WDR93: variants seen among roughly 807,000 people sequenced by gnomAD.
WDR93 encodes WD repeat-containing protein 93.
In WDR93, 73 loss-of-function variants were observed where a neutral mutation model predicts 82.9. The observed-to-expected ratio is 0.88, with a 90% confidence interval of 0.73 to 1.07. The LOEUF (loss-of-function observed/expected upper bound fraction) is 1.07, where lower values mean the gene tolerates loss of function less well. Ranked by LOEUF, WDR93 falls within the 50% of genes least tolerant of loss-of-function variation. WDR93 has a pLI of 0.00. For synonymous variants in WDR93, 283 were observed against 300.1 expected, an observed-to-expected ratio of 0.94 and a Z score of 0.59; for missense variants, 738 against 826.0, an observed-to-expected ratio of 0.89 and a Z score of 1.31.
At chr15:89,727,359 A>G in intron 9 of WDR93, 31 bp downstream of exon 9, 2 of 1,607,482 alleles carry the variant, frequency 1.2e-6, no homozygotes, top group South Asian at 1.1e-5. Flanking sequence ...AAAGCCAGGG[A>G]GCATCCCCAG....
chr15:89,722,170 C>A (rs1019709340), intron 8 of WDR93, 31 bp downstream of exon 8: 3 of 1,453,946 alleles, frequency 2.1e-6, no homozygotes, highest in African/African-American at 2.9e-5. Flanking sequence ...TCTCCTTTTG[C>A]CATTGATTTA....
At chr15:89,727,474 C>T in intron 9 of WDR93, 146 bp downstream of exon 9, 1 of 945,784 alleles carries the variant, frequency 1.1e-6, no homozygotes, top group Non-Finnish European at 1.5e-6. Flanking sequence ...ATCTGTAATC[C>T]CTACACTTTG....
At chr15:89,731,309 G>C in intron 11 of WDR93, 134 bp from the exon 12 acceptor site, 3 of 1,285,456 alleles carry the variant, frequency 2.3e-6, no homozygotes, top group South Asian at 1.4e-5. Flanking sequence ...AAGGATGATG[G>C]TGAGTCCAGA....
At chr15:89,731,193 A>G (rs1261054878) in intron 11 of WDR93, among the ~76,000 whole-genome samples, 3 of 152,242 alleles carry the variant, frequency 2.0e-5, no homozygotes, top group South Asian at 2.1e-4. Context: ...CTAACACAGT[A>G]TCTAGCACCT....
At chr15:89,736,967 A>C (rs1384448017) in intron 14 of WDR93, among the ~76,000 whole-genome samples, 2 of 151,916 alleles carry the variant, frequency 1.3e-5, no homozygotes, top group Non-Finnish European at 2.9e-5. Context: ...AATTTTTTGT[A>C]TTTTTAGTAG....
chr15:89,710,154 C>T (rs935125621), intron 4 of WDR93, among the ~76,000 whole-genome samples: 1 of 152,024 alleles, frequency 6.6e-6, no homozygotes, highest in African/African-American at 2.4e-5. Flanking sequence ...AGTGAGACTC[C>T]GTCTCAAAAC....
chr15:89,691,110 C>G (rs553768611), intron 1 of WDR93, among the ~76,000 whole-genome samples: 3 of 152,092 alleles, frequency 2.0e-5, no homozygotes, highest in Admixed American at 2.0e-4. Flanking sequence ...CATTTCCCAG[C>G]GCCGTGCCTC....
At position 89,737,639 on chromosome 15, in the gene WDR93, G is replaced by A; in HGVS notation, c.1675G>A (p.Ala559Thr). 1 of 1,614,150 alleles carries A rather than the reference G, an allele frequency of 6.2e-7. No individual in the cohort carries two copies. ...TGTGGCCAAGCGTGAAATCATCTGTGCCTTTGCCCCTCCGGGAGCCTTTCC... is the reference window on the plus strand; with the variant it reads ...TGTGGCCAAGCGTGAAATCATCTGTACCTTTGCCCCTCCGGGAGCCTTTCC... ...MDVAKREIIC[A>T]FAPPGAFPLE... Residue 559 changes from alanine to threonine, a missense_variant, in exon 15 of 17, where the codon GCC becomes ACC. Coordinates refer to ENST00000268130, the MANE Select transcript of WDR93 (RefSeq NM_020212.2).
Position 89,743,340 on chromosome 15 carries a change from C to A in WDR93, c.2010C>A (p.Ala670=), listed in dbSNP as rs1464321228. 6.2e-7 allele frequency: 1 copy of A among 1,614,178 alleles called. No individual in the cohort carries two copies. The highest frequency in any genetic ancestry group is 1.1e-5 in the South Asian group (1 of 91,086). Reference sequence around the variant, plus strand: ...CAGAGAAGGAGGAGGAGCACTGGGCCCGGCTTCAGAGGTACTCCTTGTCGC... The same window carrying A: ...CAGAGAAGGAGGAGGAGCACTGGGCACGGCTTCAGAGGTACTCCTTGTCGC... The part of the protein sequence containing the change: ...KNPEKEEEHW[A]RLQRYSLSLQ... The change falls in exon 17 of 17, where the codon GCC becomes GCA. Residue 670 remains alanine, a synonymous_variant. Coordinates refer to ENST00000268130, the MANE Select transcript of WDR93 (RefSeq NM_020212.2).
intron 4 of WDR93, among the ~76,000 whole-genome samples, chr15:89,709,071 G>A (rs1965847710): frequency 6.6e-6 from 1 of 152,226 alleles, no homozygotes; most frequent in African/African-American, 2.4e-5. Flanking sequence ...GATAACCAGG[G>A]TGCAGGAGAA....
chr15:89,729,322 T>C (rs747774), intron 10 of WDR93, among the ~76,000 whole-genome samples: 68,370 of 151,864 alleles, frequency 0.45, 16,196 homozygotes, highest in African/African-American at 0.57. Flanking sequence ...GTGGTTGCCA[T>C]AGGAGAAGGC....
chr15:89,707,668 T>G (rs1041670507), intron 4 of WDR93, among the ~76,000 whole-genome samples: 1 of 152,036 alleles, frequency 6.6e-6, no homozygotes, highest in Non-Finnish European at 1.5e-5. Context: ...GGCAAAGATA[T>G]GCAACAATTG....
rs780443460 is a variant in WDR93, at chr15:89,731,431, C to A, written c.1211-12C>A. On this transcript the variant is annotated splice_polypyrimidine_tract_variant and intron_variant, in intron 11 of 16. Coordinates refer to ENST00000268130, the MANE Select transcript of WDR93 (RefSeq NM_020212.2). ...TCTGGGGGAACCGGTTGAGTATTGT[C>A]CTTCCCCCTAGACCCCGAGGGTGTG... 10 of 1,613,716 alleles carry A rather than the reference C, an allele frequency of 6.2e-6. No individual in the cohort carries two copies. The Admixed American group carries it at 1.7e-4, about 27-fold the overall frequency.
chr15:89,729,734 T>C lies in WDR93; in HGVS notation c.1175T>C (p.Leu392Pro). The change falls in exon 11 of 17, where the codon CTG becomes CCG. Residue 392 changes from leucine to proline, a missense_variant. Transcript: ENST00000268130. Reference protein sequence around the residue: ...IHWTRSHNFFLYSLNRTLKDK... With the variant: ...IHWTRSHNFFPYSLNRTLKDK... Reference sequence around the variant, plus strand: ...TGGACCAGAAGTCACAATTTCTTCCTGTATTCACTAAACCGAACTCTAAAG... The same window carrying C: ...TGGACCAGAAGTCACAATTTCTTCCCGTATTCACTAAACCGAACTCTAAAG... 2.5e-6 allele frequency: 4 copies of C among 1,613,600 alleles called. No individual in the cohort carries two copies. The highest frequency in any genetic ancestry group is 3.4e-6 in the Non-Finnish European group (4 of 1,179,908).
At chr15:89,698,638 A>G (rs772134105) in intron 1 of WDR93, among the ~76,000 whole-genome samples, 2 of 152,192 alleles carry the variant, frequency 1.3e-5, no homozygotes, top group Non-Finnish European at 2.9e-5. Flanking sequence ...TTAACCTAGC[A>G]TAGCCTACCT....
chr15:89,728,966 C>T, intron 9 of WDR93, 57 bp from the exon 10 acceptor site: 2 of 1,471,894 alleles, frequency 1.4e-6, no homozygotes, highest in Non-Finnish European at 1.9e-6. Flanking sequence ...ACTCTGCCAG[C>T]AGCTCTCCTT....
At chr15:89,742,786 G>C (rs1967783589) in intron 16 of WDR93, among the ~76,000 whole-genome samples, 1 of 152,126 alleles carries the variant, frequency 6.6e-6, no homozygotes, top group African/African-American at 2.4e-5. Context: ...GCCTGCCTTG[G>C]CCTCCCAAAG....
intron 14 of WDR93, among the ~76,000 whole-genome samples, chr15:89,736,318 C>T (rs1967167943): frequency 6.6e-6 from 1 of 152,150 alleles, no homozygotes; most frequent in Non-Finnish European, 1.5e-5. Context: ...GTCTGTGATT[C>T]CTGGTGTGGC....
In WDR93 at chr15:89,729,042, C is replaced by T. The variant is rs748571551; in HGVS notation, c.1072C>T (p.Leu358Phe). Residue 358 changes from leucine to phenylalanine, a missense_variant, in exon 10 of 17, where the codon CTT (leucine) becomes TTT (phenylalanine). Leu to Phe is a conservative substitution (Grantham distance 22). Transcript: ENST00000268130. ...TCCCAGTACGGCCACCTTCTATTTCCTTCTTCCTAGCTGCCTATTTGCAAT... is the reference window on the plus strand; with the variant it reads ...TCCCAGTACGGCCACCTTCTATTTCTTTCTTCCTAGCTGCCTATTTGCAAT... ...EPLSTATFYF[L>F]LPSCLFAMPP... The T allele has an allele frequency of 6.2e-7, 1 of 1,614,044 alleles. No homozygotes were observed. Among genetic ancestry groups the T allele is most frequent in the African/African-American group, 1.3e-5 (1 of 74,914 alleles).
Sources: gnomAD v4.1 joint callset for allele counts (sites outside exome capture counted in the v4.1 genomes callset) on GRCh38, gnomAD v4.1.1 for gene constraint, MANE v1.5 for transcripts, NCBI Gene and HGNC (gene_info 2026-07-23, HGNC 2026-07-21) for gene names.